WDPCP: variants seen among roughly 807,000 people sequenced by gnomAD.
The protein encoded by WDPCP is WD repeat-containing and planar cell polarity effector protein fritz homolog.
WDPCP carries 71 observed loss-of-function variants against 93.1 expected under a neutral mutation model. The observed-to-expected ratio is 0.76, with a 90% CI of 0.63 to 0.93. WDPCP has a LOEUF of 0.93. Among genes scored for constraint, WDPCP ranks in the 40% least tolerant of loss-of-function variants. The pLI is 0.00. For missense variants in WDPCP, 844 were observed against 887.4 expected, an observed-to-expected ratio of 0.95 and a Z score of 0.62; for synonymous variants, 315 against 315.0, an observed-to-expected ratio of 1.00 and a Z score of 0.00.
chr2:63,486,569 A>C lies in WDPCP; in HGVS notation c.226T>G (p.Leu76Val), dbSNP rs775316027. 21 of 1,577,506 alleles carry C rather than the reference A, an allele frequency of 1.3e-5. No homozygotes were observed. The highest frequency in any genetic ancestry group is 1.8e-5 in the Non-Finnish European group (21 of 1,158,398). Residue 76 changes from leucine (L) to valine (V), a missense_variant, in exon 4 of 18, where the codon TTA (leucine) becomes GTA (valine). Leu to Val is a conservative substitution (Grantham distance 32). Transcript: ENST00000272321. Reference protein sequence around the residue: ...KDPPATEHGNLEKKQKLAESR... With the variant: ...KDPPATEHGNVEKKQKLAESR... ...TCTGCCAGCTTCTGCTTCTTTTCTA[A>C]GTTACCATGCTCTGTCGCTGATATT...
chr2:63,334,465 G>A (rs938176565), intron 12 of WDPCP, among the ~76,000 whole-genome samples: 7 of 152,104 alleles, frequency 4.6e-5, no homozygotes, highest in Non-Finnish European at 8.8e-5. Flanking sequence ...AGCAAAGGTG[G>A]GACAACTGGA....
At chr2:63,587,135 A>G (rs1039534373) in intron 1 of WDPCP, among the ~76,000 whole-genome samples, 1 of 152,250 alleles carries the variant, frequency 6.6e-6, no homozygotes, top group Non-Finnish European at 1.5e-5. Context: ...CAGAGAACCT[A>G]GGTTTGAGAA....
intron 17 of WDPCP, among the ~76,000 whole-genome samples, chr2:63,145,397 C>CAGA (rs1292636771): frequency 1.3e-5 from 2 of 152,084 alleles, no homozygotes; most frequent in Admixed American, 6.6e-5. Context: ...CTAGGCATGT[C>CAGA]TGAGCTCAGA....
At chr2:63,272,187 T>G (rs891123915) in intron 13 of WDPCP, among the ~76,000 whole-genome samples, 3 of 152,254 alleles carry the variant, frequency 2.0e-5, no homozygotes, top group African/African-American at 4.8e-5. Flanking sequence ...TCACTATACC[T>G]TTCACTAACA....
chr2:63,313,425 T>A, intron 12 of WDPCP, 114 bp from the exon 13 acceptor site: 1 of 1,085,378 alleles, frequency 9.2e-7, no homozygotes, highest in Admixed American at 2.1e-5. Flanking sequence ...ATTGGAAAAA[T>A]ATTTTCAAAC....
At chr2:63,338,778 A>G (rs1321511522) in intron 12 of WDPCP, among the ~76,000 whole-genome samples, 1 of 151,204 alleles carries the variant, frequency 6.6e-6, no homozygotes, top group East Asian at 1.9e-4. Context: ...TTCAGTTACT[A>G]TGGCTTTGTA....
chr2:63,540,211 ATTC>A (rs1442638242), intron 1 of WDPCP, among the ~76,000 whole-genome samples: 1 of 152,210 alleles, frequency 6.6e-6, no homozygotes, highest in African/African-American at 2.4e-5. Context: ...TGGCCTCAAT[ATTC>A]TTCTAAAACA....
chr2:63,640,078 T>C (rs1320081142), intron 3 of WDPCP, among the ~76,000 whole-genome samples: 1 of 152,158 alleles, frequency 6.6e-6, no homozygotes, highest in African/African-American at 2.4e-5. Context: ...GCGCGATCTC[T>C]GCTCACTGCA....
intron 3 of WDPCP, among the ~76,000 whole-genome samples, chr2:63,626,201 A>C (rs1709808426): frequency 6.6e-6 from 1 of 152,232 alleles, no homozygotes; most frequent in African/African-American, 2.4e-5. Flanking sequence ...GATGGATTAA[A>C]GACTTAAATG....
chr2:63,262,584 A>G (rs1681739497), intron 13 of WDPCP, among the ~76,000 whole-genome samples: 1 of 151,582 alleles, frequency 6.6e-6, no homozygotes, highest in African/African-American at 2.4e-5. Context: ...AAACATACCC[A>G]TATATAGATG....
At chr2:63,666,544 G>A (rs183818464) in intron 2 of WDPCP, among the ~76,000 whole-genome samples, 6 of 152,234 alleles carry the variant, frequency 3.9e-5, no homozygotes, top group East Asian at 1.9e-4. Flanking sequence ...TTCATTTCAC[G>A]CATAATCCTG....
At chr2:63,262,613 T>C (rs374982438) in intron 13 of WDPCP, among the ~76,000 whole-genome samples, 2 of 151,766 alleles carry the variant, frequency 1.3e-5, no homozygotes, top group Non-Finnish European at 2.9e-5. Context: ...TGTGGTACTA[T>C]TATGAGTACT....
chr2:63,815,477 T>C (rs1670920027), intron 1 of WDPCP, among the ~76,000 whole-genome samples: 1 of 152,230 alleles, frequency 6.6e-6, no homozygotes, highest in South Asian at 2.1e-4. Context: ...TACTATTTAG[T>C]CAGGAAACAC....
chr2:63,838,683 T>C, the WDPCP span, among the ~76,000 whole-genome samples: 8 of 152,318 alleles, frequency 5.3e-5, no homozygotes, highest in South Asian at 1.7e-3. Flanking sequence ...TCCAGAGTAG[T>C]ATCTTATGAA....
upstream of WDPCP, chr2:63,588,851 G>A: frequency 1.5e-6 from 1 of 674,014 alleles, no homozygotes; most frequent in East Asian, 2.9e-5. Flanking sequence ...TTCAACACTT[G>A]AAGGAAATGC....
chr2:63,593,427 TGA>T, upstream of WDPCP: 1 of 369,040 alleles, frequency 2.7e-6, no homozygotes, highest in Non-Finnish European at 5.6e-6. Context: ...TTTTTTTCTT[TGA>T]CTTCTATGAG....
At chr2:63,498,669 C>G (rs533434956) in intron 1 of WDPCP, among the ~76,000 whole-genome samples, 1 of 152,318 alleles carries the variant, frequency 6.6e-6, no homozygotes, top group Non-Finnish European at 1.5e-5. Flanking sequence ...TACCTGTACT[C>G]TGCCCGGGTA....
chr2:63,701,085 A>T (rs962639213), intron 2 of WDPCP, among the ~76,000 whole-genome samples: 6 of 152,206 alleles, frequency 3.9e-5, no homozygotes, highest in African/African-American at 1.2e-4. Flanking sequence ...AATAGAAGAA[A>T]ATATTTGCAA....
chr2:63,795,696 A>G (rs1670605075), intron 2 of WDPCP, among the ~76,000 whole-genome samples: 1 of 152,154 alleles, frequency 6.6e-6, no homozygotes, highest in African/African-American at 2.4e-5. Flanking sequence ...AGAAGGAAAG[A>G]AGGTCAAGAA....
Sources: allele counts gnomAD v4.1 joint callset (sites outside exome capture counted in the v4.1 genomes callset), GRCh38; gene constraint gnomAD v4.1.1; transcripts MANE v1.5; gene names NCBI Gene and HGNC (gene_info 2026-07-23, HGNC 2026-07-21).